TRERF1: variants seen among roughly 807,000 people sequenced by gnomAD.
The protein encoded by TRERF1 is transcriptional regulating factor 1.
In TRERF1, 27 loss-of-function variants were observed where a neutral mutation model predicts 122.9. The ratio of observed to expected loss-of-function variants is 0.22; its 90% CI spans 0.16 to 0.30. The LOEUF (loss-of-function observed/expected upper bound fraction) is 0.30. TRERF1 is among the 10% of genes least tolerant of loss of function. The pLI is 1.00. For synonymous variants in TRERF1, 636 were observed against 641.7 expected, an observed-to-expected ratio of 0.99 and a Z score of 0.13; for missense variants, 1,248 against 1,560.3, an observed-to-expected ratio of 0.80 and a Z score of 3.37.
At chr6:42,370,398 C>T (rs1442360651) in intron 2 of TRERF1, among the ~76,000 whole-genome samples, 1 of 152,066 alleles carries the variant, frequency 6.6e-6, no homozygotes, top group Non-Finnish European at 1.5e-5. Flanking sequence ...GTTTTGTTTA[C>T]ATAACAAAGA....
chr6:42,403,142 T>G (rs1779658147), intron 2 of TRERF1, among the ~76,000 whole-genome samples: 2 of 150,452 alleles, frequency 1.3e-5, no homozygotes, highest in African/African-American at 4.9e-5. Context: ...TCAGCTGGGG[T>G]AGATTCTGGA....
intron 2 of TRERF1, among the ~76,000 whole-genome samples, chr6:42,386,543 T>C (rs1000058876): frequency 1.3e-5 from 2 of 152,146 alleles, no homozygotes; most frequent in South Asian, 2.1e-4. Flanking sequence ...AAAACCCAAA[T>C]TGTAGCACTT....
chr6:42,348,401 G>A (rs1323901478), intron 3 of TRERF1, among the ~76,000 whole-genome samples: 1 of 152,064 alleles, frequency 6.6e-6, no homozygotes, highest in Non-Finnish European at 1.5e-5. Context: ...TTACAGCCAT[G>A]CGCCACCATG....
intron 2 of TRERF1, among the ~76,000 whole-genome samples, chr6:42,384,843 C>T (rs908570461): frequency 2.6e-5 from 4 of 151,566 alleles, no homozygotes; most frequent in Admixed American, 1.3e-4. Flanking sequence ...CTCACTGTGT[C>T]GCCCAGGCTG....
chr6:42,301,813 C>T (rs543213746), intron 3 of TRERF1, among the ~76,000 whole-genome samples: 1 of 152,352 alleles, frequency 6.6e-6, no homozygotes, highest in East Asian at 1.9e-4. Context: ...GAGACTTCCA[C>T]ATTGCACACC....
At chr6:42,238,686 GC>G (rs1334511268) in intron 15 of TRERF1, among the ~76,000 whole-genome samples, 1 of 152,056 alleles carries the variant, frequency 6.6e-6, no homozygotes, top group Non-Finnish European at 1.5e-5. Flanking sequence ...TCCCAAGCAT[GC>G]AAATGGAATT....
intron 4 of TRERF1, among the ~76,000 whole-genome samples, chr6:42,293,380 G>A (rs1784600502): frequency 6.6e-6 from 1 of 152,160 alleles, no homozygotes; most frequent in Non-Finnish European, 1.5e-5. Flanking sequence ...AACCAAAGGC[G>A]CCCGGTCCCA....
At chr6:42,325,394 C>T (rs1394247603) in intron 3 of TRERF1, among the ~76,000 whole-genome samples, 1 of 152,168 alleles carries the variant, frequency 6.6e-6, no homozygotes, top group East Asian at 1.9e-4. Flanking sequence ...ACTCAGCAAT[C>T]CTATTACTGG....
At chr6:42,335,134 C>G (rs1765916253) in intron 3 of TRERF1, among the ~76,000 whole-genome samples, 1 of 152,152 alleles carries the variant, frequency 6.6e-6, no homozygotes, top group Admixed American at 6.5e-5. Flanking sequence ...GAGAGTAAAA[C>G]AGAGAAAAAG....
At chr6:42,312,784 G>A (rs1473887850) in intron 3 of TRERF1, among the ~76,000 whole-genome samples, 1 of 152,154 alleles carries the variant, frequency 6.6e-6, no homozygotes, top group Non-Finnish European at 1.5e-5. Flanking sequence ...TGCCGGGTGT[G>A]GTGTTTGGAA....
chr6:42,325,245 T>C (rs907345242), intron 3 of TRERF1, among the ~76,000 whole-genome samples: 2 of 152,020 alleles, frequency 1.3e-5, no homozygotes, highest in Admixed American at 6.6e-5. Context: ...TATTAAAAAG[T>C]CAAAAAATAA....
chr6:42,271,227 A>T (rs75470522), intron 4 of TRERF1, among the ~76,000 whole-genome samples: 1 of 151,800 alleles, frequency 6.6e-6, no homozygotes, highest in African/African-American at 2.4e-5. Flanking sequence ...TACATCCTCA[A>T]CTTGAAATTC....
chr6:42,346,292 C>T (rs1396108792), intron 3 of TRERF1, among the ~76,000 whole-genome samples: 1 of 152,238 alleles, frequency 6.6e-6, no homozygotes, highest in African/African-American at 2.4e-5. Context: ...GGGGGTGCTG[C>T]TTTGACCAGT....
intron 13 of TRERF1, among the ~76,000 whole-genome samples, chr6:42,250,646 C>T (rs1012399653): frequency 2.6e-5 from 4 of 152,138 alleles, no homozygotes; most frequent in African/African-American, 9.7e-5. Flanking sequence ...ACACAGGGTT[C>T]GTGGGTTGAG....
At chr6:42,413,622 G>A (rs1213700611) in intron 2 of TRERF1, among the ~76,000 whole-genome samples, 1 of 151,920 alleles carries the variant, frequency 6.6e-6, no homozygotes. Flanking sequence ...TAGAGATGGG[G>A]TTTCACCATG....
intron 2 of TRERF1, among the ~76,000 whole-genome samples, chr6:42,397,366 G>A (rs16895681): frequency 6.6e-6 from 1 of 151,994 alleles, no homozygotes. Context: ...GGCACCGTCG[G>A]GATGTACTGT....
intron 16 of TRERF1, among the ~76,000 whole-genome samples, chr6:42,234,632 C>T (rs113203539): frequency 0.058 from 8,756 of 152,242 alleles, 333 homozygotes; most frequent in East Asian, 0.11. Context: ...TGAGCCACCG[C>T]GCCTGGCCAA....
chr6:42,319,329 G>A (rs896966433), intron 3 of TRERF1, among the ~76,000 whole-genome samples: 2 of 152,224 alleles, frequency 1.3e-5, no homozygotes, highest in Non-Finnish European at 2.9e-5. Context: ...ATGCTCCAGA[G>A]TATAGCAGAG....
chr6:42,442,043 T>C (rs1015689683), intron 2 of TRERF1, among the ~76,000 whole-genome samples: 1 of 152,146 alleles, frequency 6.6e-6, no homozygotes, highest in Non-Finnish European at 1.5e-5. Context: ...TGTCCTTACT[T>C]ACTGTGGCTC....
Sources: allele counts gnomAD v4.1 joint callset (sites outside exome capture counted in the v4.1 genomes callset), GRCh38; gene constraint gnomAD v4.1.1; transcripts MANE v1.5; gene names NCBI Gene and HGNC (gene_info 2026-07-23, HGNC 2026-07-21).